ZNF469: variants seen among roughly 807,000 people sequenced by gnomAD.
ZNF469 encodes zinc finger protein 469.
ZNF469 carries 1 observed loss-of-function variant against 1.0 expected under a neutral mutation model. The ratio of observed to expected loss-of-function variants is 1.00; its 90% CI spans 0.35 to 4.73. The LOEUF is 4.73. Among genes scored for constraint, ZNF469 ranks in the 30% most tolerant of loss-of-function variants. The pLI, the probability that ZNF469 is intolerant of heterozygous loss-of-function variation, is 0.16. For synonymous variants in ZNF469, 2,703 were observed against 2,363.4 expected (o/e 1.14, Z -4.17); for missense variants, 6,100 against 5,356.3 (o/e 1.14, Z -4.33).
the ZNF469 span, among the ~76,000 whole-genome samples, chr16:88,229,479 G>A: frequency 6.6e-6 from 1 of 152,240 alleles, no homozygotes; most frequent in Admixed American, 6.5e-5. Context: ...TGGTCATTAC[G>A]TGCGGTGCTT....
the ZNF469 span, among the ~76,000 whole-genome samples, chr16:88,338,553 T>C: frequency 0.055 from 8,304 of 152,278 alleles, 752 homozygotes; most frequent in African/African-American, 0.19. Flanking sequence ...CCAAGCCATC[T>C]TGTGCTGTCA....
In ZNF469 at chr16:88,431,675, C is replaced by T. The variant is rs1204010424; in HGVS notation, c.4205C>T (p.Pro1402Leu). ...TTCCTGGAAGAACTGCACCCCAAGC[C>T]CTCAGCCAGGGATGCCCCGCCGGCC... The part of the protein sequence containing the change: ...GCFLEELHPK[P>L]SARDAPPASS... The change falls in exon 3 of 3, where the codon CCC becomes CTC. Residue 1402 changes from proline to leucine, a missense_variant. By Grantham distance (98) the Pro-to-Leu change is moderately conservative. Coordinates refer to ENST00000565624, the MANE Select transcript of ZNF469 (RefSeq NM_001367624.2). 4 of 1,550,476 alleles carry T rather than the reference C, an allele frequency of 2.6e-6. No individual in the cohort carries two copies. The highest frequency in any genetic ancestry group is 3.5e-6 in the Non-Finnish European group (4 of 1,146,990).
Position 88,437,568 on chromosome 16 carries a change from G to A in ZNF469, c.10098G>A (p.Leu3366=), listed in dbSNP as rs1418574388. The A allele has an allele frequency of 6.5e-7, 1 of 1,536,290 alleles. No individual in the cohort carries two copies. The highest frequency in any genetic ancestry group is 8.8e-7 in the Non-Finnish European group (1 of 1,137,028). The change falls in exon 3 of 3, where the codon CTG becomes CTA. Residue 3366 remains leucine (L), a synonymous_variant. Coordinates refer to ENST00000565624, the MANE Select transcript of ZNF469 (RefSeq NM_001367624.2). ...TGCACAGCCCGCAGCGCGTCTACCT[G>A]TGCCCCCGGTGCCCCCGGGTCTACC... ...LAVHSPQRVY[L]CPRCPRVYPE...
the ZNF469 span, among the ~76,000 whole-genome samples, chr16:88,167,139 G>C: frequency 7.3e-6 from 1 of 136,748 alleles, no homozygotes; most frequent in Non-Finnish European, 1.5e-5. Flanking sequence ...TTGGCTCACT[G>C]TAACCTCCGC....
chr16:88,137,616 A>T, the ZNF469 span, among the ~76,000 whole-genome samples: 1 of 152,134 alleles, frequency 6.6e-6, no homozygotes, highest in Non-Finnish European at 1.5e-5. Flanking sequence ...CTATGCGTGC[A>T]TACCACCACG....
At chr16:88,316,179 G>A in the ZNF469 span, among the ~76,000 whole-genome samples, 1 of 152,252 alleles carries the variant, frequency 6.6e-6, no homozygotes. Flanking sequence ...GAATCTCCGG[G>A]GCAGTTTTCA....
the ZNF469 span, among the ~76,000 whole-genome samples, chr16:88,210,625 A>G: frequency 6.6e-6 from 1 of 152,242 alleles, no homozygotes; most frequent in South Asian, 2.1e-4. Flanking sequence ...TATGAATCTA[A>G]TTCCATCTTT....
intron 1 of ZNF469, among the ~76,000 whole-genome samples, chr16:88,407,187 C>A (rs1905047553): frequency 6.6e-6 from 1 of 152,232 alleles, no homozygotes; most frequent in Non-Finnish European, 1.5e-5. Flanking sequence ...CGGCTCAGAG[C>A]TCCCAAAGGG....
chr16:88,342,153 A>C, the ZNF469 span, among the ~76,000 whole-genome samples: 1 of 152,140 alleles, frequency 6.6e-6, no homozygotes, highest in Non-Finnish European at 1.5e-5. Context: ...AGGGGTCTCC[A>C]GCCCTTCGCC....
At chr16:88,385,878 C>T (rs1018535904) in intron 1 of ZNF469, among the ~76,000 whole-genome samples, 3 of 152,162 alleles carry the variant, frequency 2.0e-5, no homozygotes, top group Non-Finnish European at 4.4e-5. Flanking sequence ...CACCCTGGCA[C>T]AGGCCTGGCA....
chr16:88,360,633 AC>A, the ZNF469 span, among the ~76,000 whole-genome samples: 1 of 97,212 alleles, frequency 1.0e-5, no homozygotes, highest in African/African-American at 4.9e-5. Flanking sequence ...AAGGCAGTCC[AC>A]CCCCAGACAG....
chr16:88,146,580 A>C, the ZNF469 span, among the ~76,000 whole-genome samples: 1 of 152,090 alleles, frequency 6.6e-6, no homozygotes. Flanking sequence ...GGCCCAAAGC[A>C]GAAGCCCCAG....
the ZNF469 span, among the ~76,000 whole-genome samples, chr16:88,247,281 ATGAG>A: frequency 6.9e-6 from 1 of 145,366 alleles, no homozygotes; most frequent in African/African-American, 2.6e-5. Context: ...GAGTGAGTAA[ATGAG>A]TGAGCGAGTG....
chr16:88,385,605 C>G (rs1027527173), intron 1 of ZNF469, among the ~76,000 whole-genome samples: 1 of 150,414 alleles, frequency 6.6e-6, no homozygotes, highest in Non-Finnish European at 1.5e-5. Context: ...ATCGTGCCAC[C>G]GCATTCCAGC....
chr16:88,350,409 A>G, the ZNF469 span, among the ~76,000 whole-genome samples: 6 of 152,238 alleles, frequency 3.9e-5, no homozygotes, highest in African/African-American at 1.4e-4. Flanking sequence ...CCTTGGCCAG[A>G]ATCGCCTAGG....
the ZNF469 span, among the ~76,000 whole-genome samples, chr16:88,208,397 G>C: frequency 3.5e-4 from 52 of 149,694 alleles, no homozygotes; most frequent in Admixed American, 2.5e-3. Context: ...GGGTGCTAGT[G>C]CGCTCATTAC....
rs1249323954 is a variant in ZNF469 at position 88,427,815 on chromosome 16, C to T, written c.345C>T (p.Ser115=). Residue 115 remains serine, a synonymous_variant, in exon 3 of 3, where the codon AGC becomes AGT. Coordinates refer to ENST00000565624, the MANE Select transcript of ZNF469 (RefSeq NM_001367624.2). ...GGCTGGCGGGCAGGGCAGAGGGCAG[C>T]CCCCCACAGCGCTACATTCTGGGCA... The part of the protein sequence containing the change: ...PSRLAGRAEG[S]PPQRYILGIA... 2.6e-6 allele frequency: 4 copies of T among 1,548,076 alleles called. No individual in the cohort carries two copies. The highest frequency in any genetic ancestry group is 2.0e-5 in the Admixed American group (1 of 50,994).
the ZNF469 span, among the ~76,000 whole-genome samples, chr16:88,289,002 G>A: frequency 1.2e-4 from 19 of 152,252 alleles, no homozygotes; most frequent in African/African-American, 3.6e-4. Flanking sequence ...TGATGGTGGT[G>A]GTGATGATAA....
chr16:88,432,776 C>A lies in ZNF469; in HGVS notation c.5306C>A (p.Pro1769His). Residue 1769 changes from proline (P) to histidine (H), a missense_variant, in exon 3 of 3, where the codon CCC (proline) becomes CAC (histidine). Coordinates refer to ENST00000565624, the MANE Select transcript of ZNF469 (RefSeq NM_001367624.2). The part of the protein sequence containing the change: ...QESEDSLRLL[P>H]CEQRGGFLPE... ...AGTGAAGACTCCCTGCGGCTGCTTC[C>A]CTGTGAACAGAGAGGAGGGTTCCTC... 6.4e-7 allele frequency: 1 copy of A among 1,550,422 alleles called. No homozygotes were observed. Among genetic ancestry groups the A allele is most frequent in the East Asian group, 2.4e-5 (1 of 40,922 alleles).
Sources: gnomAD v4.1 joint callset for allele counts (sites outside exome capture counted in the v4.1 genomes callset) on GRCh38, gnomAD v4.1.1 for gene constraint, MANE v1.5 for transcripts, NCBI Gene and HGNC (gene_info 2026-07-23, HGNC 2026-07-21) for gene names.